DLG2: variants seen among roughly 807,000 people sequenced by gnomAD.
DLG2 encodes disks large homolog 2.
DLG2 carries 45 observed loss-of-function variants against 132.5 expected under a neutral mutation model. The observed-to-expected ratio is 0.34, with a 90% CI of 0.27 to 0.44. The LOEUF (loss-of-function observed/expected upper bound fraction) is 0.44, where lower values mean the gene tolerates loss of function less well. Ranked by LOEUF, DLG2 falls within the 20% of genes least tolerant of loss-of-function variation. The pLI, the probability that DLG2 is intolerant of heterozygous loss-of-function variation, is 1.00. For synonymous variants in DLG2, 424 were observed against 419.6 expected (o/e 1.01, Z -0.13); for missense variants, 1,045 against 1,196.9 (o/e 0.87, Z 1.87).
At chr11:84,186,970 C>A (rs902312974) in intron 8 of DLG2, among the ~76,000 whole-genome samples, 1 of 151,832 alleles carries the variant, frequency 6.6e-6, no homozygotes, top group Non-Finnish European at 1.5e-5. Context: ...TTGTCCATCT[C>A]AACTGGCTTT....
chr11:85,357,237 T>TG, intron 3 of DLG2, among the ~76,000 whole-genome samples: 2 of 132,972 alleles, frequency 1.5e-5, no homozygotes, highest in Non-Finnish European at 3.2e-5. Context: ...CAATATCCTC[T>TG]TTGTGTGTGT....
chr11:84,918,908 C>T (rs1047045330), intron 6 of DLG2, among the ~76,000 whole-genome samples: 2 of 152,140 alleles, frequency 1.3e-5, no homozygotes, highest in African/African-American at 2.4e-5. Context: ...TAAAGCATCT[C>T]TTGAGTACCT....
intron 19 of DLG2, among the ~76,000 whole-genome samples, chr11:83,591,400 A>C (rs1594009526): frequency 2.0e-5 from 2 of 101,800 alleles, no homozygotes; most frequent in African/African-American, 7.8e-5. Context: ...CCACATGATT[A>C]TCTCAATAGA....
chr11:85,365,702 G>T (rs2084493315), intron 3 of DLG2, among the ~76,000 whole-genome samples: 1 of 152,152 alleles, frequency 6.6e-6, no homozygotes, highest in Admixed American at 6.5e-5. Context: ...ATCAGTGATA[G>T]TCTGGATAAA....
chr11:85,066,075 C>T (rs2064875087), intron 6 of DLG2, among the ~76,000 whole-genome samples: 1 of 151,368 alleles, frequency 6.6e-6, no homozygotes, highest in South Asian at 2.1e-4. Context: ...GAAGGAAACA[C>T]AGAATTTTCA....
chr11:84,537,514 A>G (rs981233648), intron 6 of DLG2, among the ~76,000 whole-genome samples: 5 of 152,188 alleles, frequency 3.3e-5, no homozygotes, highest in African/African-American at 1.2e-4. Context: ...GGTAAAATAC[A>G]CATAAAATTT....
chr11:83,892,433 C>G (rs190437360), intron 15 of DLG2, among the ~76,000 whole-genome samples: 1 of 152,096 alleles, frequency 6.6e-6, no homozygotes, highest in Admixed American at 6.5e-5. Flanking sequence ...CAATATAAGG[C>G]AAATATTAAA....
intron 6 of DLG2, among the ~76,000 whole-genome samples, chr11:84,925,369 T>C (rs539604798): frequency 6.6e-6 from 1 of 152,302 alleles, no homozygotes; most frequent in South Asian, 2.1e-4. Flanking sequence ...CATTTTAATG[T>C]GTATACATTT....
At chr11:84,324,256 A>T (rs1274505398) in intron 7 of DLG2, among the ~76,000 whole-genome samples, 1 of 152,024 alleles carries the variant, frequency 6.6e-6, no homozygotes, top group Non-Finnish European at 1.5e-5. Flanking sequence ...AGATAATTTA[A>T]TTCTTTTGCA....
At position 83,459,034 on chromosome 11, in the gene DLG2, A is replaced by C. The variant is rs965983056; in HGVS notation, c.*784T>G. 2.6e-5 allele frequency: 4 copies of C among 152,452 alleles called. No homozygotes were observed. Among genetic ancestry groups the C allele is most frequent in the African/African-American group, 7.2e-5 (3 of 41,472 alleles). The allele number at this position is 152,452 out of a possible 1,614,324, so 9.4% of individuals were successfully genotyped here. A position where few individuals can be genotyped will look rare whatever the true frequency, so the allele number is the denominator to read the frequency against. On this transcript the variant is annotated 3_prime_UTR_variant, in exon 28 of 28. Coordinates refer to ENST00000376104, the MANE Select transcript of DLG2 (RefSeq NM_001142699.3). Reference sequence around the variant, plus strand: ...TGCATACATTTAGTCTTTCAATATTAGTCTTTACAAAATATTTCACAAAAC... The same window carrying C: ...TGCATACATTTAGTCTTTCAATATTCGTCTTTACAAAATATTTCACAAAAC...
chr11:85,162,220 C>T (rs897001960), intron 4 of DLG2, among the ~76,000 whole-genome samples: 4 of 152,080 alleles, frequency 2.6e-5, no homozygotes, highest in Admixed American at 6.6e-5. Flanking sequence ...GAAGTGTGTG[C>T]GTGGAATACA....
intron 18 of DLG2, among the ~76,000 whole-genome samples, chr11:83,747,590 T>A (rs2093013409): frequency 6.6e-6 from 1 of 152,104 alleles, no homozygotes; most frequent in African/African-American, 2.4e-5. Context: ...GCTCAAGCTA[T>A]CCACCCTCAA....
At chr11:83,559,957 A>G (rs111422049) in intron 19 of DLG2, among the ~76,000 whole-genome samples, 9 of 152,296 alleles carry the variant, frequency 5.9e-5, no homozygotes, top group African/African-American at 1.9e-4. Context: ...CTTCTTATAT[A>G]TAAGAAAGAA....
At chr11:84,231,875 TGAA>T (rs1018401048) in intron 8 of DLG2, among the ~76,000 whole-genome samples, 2 of 151,772 alleles carry the variant, frequency 1.3e-5, no homozygotes, top group African/African-American at 2.4e-5. Flanking sequence ...GTCTTGACAA[TGAA>T]GAAGAAGATA....
At chr11:84,978,680 A>T (rs575862873) in intron 6 of DLG2, among the ~76,000 whole-genome samples, 1 of 152,330 alleles carries the variant, frequency 6.6e-6, no homozygotes, top group African/African-American at 2.4e-5. Context: ...TGGATTAAAG[A>T]TTTAAATTTA....
chr11:84,671,777 G>A (rs1295687363), intron 6 of DLG2, among the ~76,000 whole-genome samples: 1 of 152,114 alleles, frequency 6.6e-6, no homozygotes, highest in Non-Finnish European at 1.5e-5. Context: ...AAATTCGTCT[G>A]AGTCAGTCAC....
chr11:84,676,954 G>A (rs1205130981), intron 6 of DLG2, among the ~76,000 whole-genome samples: 4 of 151,982 alleles, frequency 2.6e-5, no homozygotes, highest in Admixed American at 6.6e-5. Context: ...TTTCAAAAGC[G>A]TGGGGCATCA....
At chr11:84,581,489 A>G (rs1179931627) in intron 6 of DLG2, among the ~76,000 whole-genome samples, 2 of 152,216 alleles carry the variant, frequency 1.3e-5, no homozygotes, top group Non-Finnish European at 2.9e-5. Context: ...TTGGGCACAA[A>G]CTATGGGACA....
intron 9 of DLG2, among the ~76,000 whole-genome samples, chr11:84,118,630 T>C (rs1211905961): frequency 6.6e-6 from 1 of 152,224 alleles, no homozygotes; most frequent in Non-Finnish European, 1.5e-5. Context: ...GAGGTATATA[T>C]TTCTTTTAGA....
Sources: gnomAD v4.1 joint callset for allele counts (sites outside exome capture counted in the v4.1 genomes callset) on GRCh38, gnomAD v4.1.1 for gene constraint, MANE v1.5 for transcripts, NCBI Gene and HGNC (gene_info 2026-07-23, HGNC 2026-07-21) for gene names.